Variants in TENM3 observed in about 807,000 individuals in gnomAD.
TENM3 encodes teneurin-3.
TENM3 carries 63 observed loss-of-function variants against 255.1 expected under a neutral mutation model. That is an observed-to-expected ratio of 0.25 (90% confidence interval 0.20 to 0.30). The LOEUF (loss-of-function observed/expected upper bound fraction) is 0.30. TENM3 is among the 10% of genes least tolerant of loss of function. TENM3 has a pLI of 1.00. For synonymous variants in TENM3, 1,306 were observed against 1,322.3 expected, an observed-to-expected ratio of 0.99 and a Z score of 0.27; for missense variants, 2,929 against 3,461.1, an observed-to-expected ratio of 0.85 and a Z score of 3.86.
chr4:182,595,686 G>C (rs1747143084), intron 3 of TENM3, among the ~76,000 whole-genome samples: 1 of 152,064 alleles, frequency 6.6e-6, no homozygotes, highest in South Asian at 2.1e-4. Context: ...GTTTGGGTAT[G>C]ATGCATAATT....
At chr4:182,369,800 G>A (rs935522152) in intron 3 of TENM3, among the ~76,000 whole-genome samples, 7 of 152,062 alleles carry the variant, frequency 4.6e-5, no homozygotes, top group African/African-American at 1.2e-4. Context: ...GGAATTGCTC[G>A]AACCCGGGAG....
chr4:181,728,730 C>T, the TENM3 span, among the ~76,000 whole-genome samples: 380 of 152,130 alleles, frequency 2.5e-3, 2 homozygotes, highest in African/African-American at 7.9e-3. Context: ...TATCTTGTGC[C>T]GACCTCCTAT....
At chr4:182,162,831 A>G (rs1751444736) in intron 1 of TENM3, among the ~76,000 whole-genome samples, 1 of 152,178 alleles carries the variant, frequency 6.6e-6, no homozygotes. Context: ...CACTAATTCC[A>G]TCCATGAGAG....
At chr4:182,121,081 C>T in the TENM3 span, among the ~76,000 whole-genome samples, 1 of 152,210 alleles carries the variant, frequency 6.6e-6, no homozygotes, top group South Asian at 2.1e-4. Context: ...TCACTGCAAC[C>T]TCCGCCCTCC....
chr4:182,537,338 A>G (rs1388119243), intron 3 of TENM3, among the ~76,000 whole-genome samples: 1 of 152,056 alleles, frequency 6.6e-6, no homozygotes, highest in African/African-American at 2.4e-5. Flanking sequence ...TGGTTTATAA[A>G]TATCATTGCC....
At chr4:182,625,153 C>T (rs1027445520) in intron 4 of TENM3, among the ~76,000 whole-genome samples, 4 of 152,204 alleles carry the variant, frequency 2.6e-5, no homozygotes, top group African/African-American at 9.6e-5. Context: ...GGACACCTAG[C>T]TCAGGTCCAT....
chr4:182,069,712 C>CAA, the TENM3 span, among the ~76,000 whole-genome samples: 43 of 130,306 alleles, frequency 3.3e-4, no homozygotes, highest in African/African-American at 1.1e-3. Context: ...CACACACACA[C>CAA]ACAAATACAC....
At chr4:181,457,851 A>T in the TENM3 span, among the ~76,000 whole-genome samples, 1 of 151,968 alleles carries the variant, frequency 6.6e-6, no homozygotes, top group Non-Finnish European at 1.5e-5. Context: ...TCACATAAAG[A>T]ATACCAGATT....
At chr4:182,401,418 A>C (rs1769206599) in intron 3 of TENM3, among the ~76,000 whole-genome samples, 1 of 152,232 alleles carries the variant, frequency 6.6e-6, no homozygotes, top group African/African-American at 2.4e-5. Flanking sequence ...AGTTGAAATT[A>C]TTCTTTAAAA....
chr4:181,985,660 C>T, the TENM3 span, among the ~76,000 whole-genome samples: 6 of 152,014 alleles, frequency 3.9e-5, no homozygotes, highest in South Asian at 4.1e-4. Context: ...GTTAGCAAAT[C>T]GAATTTTTGT....
chr4:181,514,161 G>A, the TENM3 span, among the ~76,000 whole-genome samples: 1 of 152,138 alleles, frequency 6.6e-6, no homozygotes, highest in Non-Finnish European at 1.5e-5. Context: ...ATTCAAATGA[G>A]ATTTTTGAAG....
At chr4:182,624,479 T>C (rs1042965032) in intron 4 of TENM3, among the ~76,000 whole-genome samples, 1 of 152,158 alleles carries the variant, frequency 6.6e-6, no homozygotes, top group Non-Finnish European at 1.5e-5. Flanking sequence ...TCAGCCTTCC[T>C]TGGAGTCTTG....
chr4:182,398,535 G>T (rs904723445), intron 3 of TENM3, among the ~76,000 whole-genome samples: 1 of 152,170 alleles, frequency 6.6e-6, no homozygotes, highest in Non-Finnish European at 1.5e-5. Flanking sequence ...AAAGTGAAAA[G>T]TGTCTCTATG....
the TENM3 span, among the ~76,000 whole-genome samples, chr4:181,597,442 T>A: frequency 6.6e-6 from 1 of 152,210 alleles, no homozygotes; most frequent in Non-Finnish European, 1.5e-5. Flanking sequence ...CCTCTTTATC[T>A]TTTATCTGCC....
At chr4:182,487,377 A>G (rs1734862309) in intron 3 of TENM3, among the ~76,000 whole-genome samples, 1 of 152,208 alleles carries the variant, frequency 6.6e-6, no homozygotes. Flanking sequence ...TAACTATCGC[A>G]TATCAAGGTT....
the TENM3 span, among the ~76,000 whole-genome samples, chr4:181,585,995 C>A: frequency 1.3e-5 from 2 of 152,152 alleles, no homozygotes; most frequent in African/African-American, 4.8e-5. Flanking sequence ...TTCAAGAAAA[C>A]CGTGGCTTCC....
chr4:182,499,182 G>C (rs1033487834), intron 3 of TENM3, among the ~76,000 whole-genome samples: 2 of 152,174 alleles, frequency 1.3e-5, no homozygotes, highest in Non-Finnish European at 2.9e-5. Context: ...AGGAAGAAGT[G>C]AATGAGGTTA....
chr4:181,660,030 G>C, the TENM3 span, among the ~76,000 whole-genome samples: 1 of 152,004 alleles, frequency 6.6e-6, no homozygotes, highest in Non-Finnish European at 1.5e-5. Context: ...TAGGAGAAAA[G>C]GGAGCTGCAG....
chr4:182,282,206 G>A (rs1760430152), intron 1 of TENM3, among the ~76,000 whole-genome samples: 1 of 152,158 alleles, frequency 6.6e-6, no homozygotes. Flanking sequence ...GAAAAGTCAA[G>A]AAGTCTTACA....
Sources: gnomAD v4.1 joint callset for allele counts (sites outside exome capture counted in the v4.1 genomes callset) on GRCh38, gnomAD v4.1.1 for gene constraint, MANE v1.5 for transcripts, NCBI Gene and HGNC (gene_info 2026-07-23, HGNC 2026-07-21) for gene names.